The following UBQLN2 variants were observed in gnomAD, a reference collection of about 807,000 sequenced individuals.
UBQLN2 encodes the protein ubiquilin-2.
In UBQLN2, 2 loss-of-function variants were observed where a neutral mutation model predicts 22.2. The ratio of observed to expected loss-of-function variants is 0.09; its 90% CI spans 0.04 to 0.28. The LOEUF is 0.28. UBQLN2 is among the 10% of genes least tolerant of loss of function. The pLI, the probability that UBQLN2 is intolerant of heterozygous loss-of-function variation, is 1.00. For synonymous variants in UBQLN2, 252 were observed against 206.7 expected (o/e 1.22, Z -1.88); for missense variants, 446 against 505.1 (o/e 0.88, Z 1.12).
At position 56,567,480 on chromosome X, in the gene UBQLN2, G is replaced by A; in HGVS notation, c.*1732G>A. On this transcript the variant is annotated 3_prime_UTR_variant, in exon 1 of 1. Coordinates refer to ENST00000338222, the MANE Select transcript of UBQLN2 (RefSeq NM_013444.4). ...GAATTGCATTGCTTTCCAGAAACAT[G>A]TTGCCTTGTTTCTGAAAAACTTTAT... is the stretch of plus-strand genomic sequence containing the variant. 8.0e-6 allele frequency: 1 copy of A among 124,440 alleles called. No homozygotes were observed. 10.3% of individuals were successfully genotyped at this position (124,440 alleles called of 1,213,427 possible).
Position 56,565,928 on chromosome X carries a change from T to G in UBQLN2, c.*180T>G, listed in dbSNP as rs2068640406. On this transcript the variant is annotated 3_prime_UTR_variant, in exon 1 of 1. Coordinates refer to ENST00000338222, the MANE Select transcript of UBQLN2 (RefSeq NM_013444.4). ...CCTCCCTCCTACTTCCCTCACTCCC[T>G]TTCTCCTTTGCTTATTTTTCCTACC... 1.0e-5 allele frequency: 5 copies of G among 490,021 alleles called. No individual in the cohort carries two copies. The South Asian group carries it at 1.3e-4, about 13-fold the overall frequency. The allele number at this position is 490,021 out of a possible 1,213,427, so 40.4% of individuals were successfully genotyped here.
At position 56,566,028 on chromosome X, in the gene UBQLN2, A is replaced by G; in HGVS notation, c.*280A>G. 1 of 397,416 alleles carries G rather than the reference A, an allele frequency of 2.5e-6. No homozygotes were observed. Among genetic ancestry groups the G allele is most frequent in the African/African-American group, 2.6e-5 (1 of 38,653 alleles). The allele number at this position is 397,416 out of a possible 1,213,427, so 32.8% of individuals were successfully genotyped here. On this transcript the variant is annotated 3_prime_UTR_variant, in exon 1 of 1. Transcript: ENST00000338222. ...CTTATTTCCTTTAGTTTCCTTCCTT[A>G]GCCGTTTTGAGTGGTGGGAATCAAT... is the stretch of plus-strand genomic sequence containing the variant.
chrX:56,564,886 C>T lies in UBQLN2; in HGVS notation c.1013C>T (p.Thr338Ile), dbSNP rs917131397. The change falls in exon 1 of 1, where the codon ACT becomes ATT. Residue 338 changes from threonine to isoleucine, a missense_variant. Coordinates refer to ENST00000338222, the MANE Select transcript of UBQLN2 (RefSeq NM_013444.4). ...SSATTSTTTS[T>I]GSGSGNSSSN... Reference sequence around the variant, plus strand: ...GCAACTACCAGCACGACCACAAGCACTGGTAGTGGGTCTGGCAATAGTTCC... The same window carrying T: ...GCAACTACCAGCACGACCACAAGCATTGGTAGTGGGTCTGGCAATAGTTCC... The T allele has an allele frequency of 5.0e-6, 6 of 1,211,295 alleles. No individual in the cohort carries two copies. In the Admixed American group the frequency reaches 8.7e-5, roughly 18 times the overall value.
rs763496311 is a variant in UBQLN2 at position 56,564,038 on chromosome X, G to A, written c.165G>A (p.Gln55=). Residue 55 remains glutamine, a synonymous_variant, in exon 1 of 1, where the codon CAG becomes CAA. Coordinates refer to ENST00000338222, the MANE Select transcript of UBQLN2 (RefSeq NM_013444.4). ...EFAVPENSSV[Q]QFKEAISKRF... ...CGGTGCCCGAGAACAGCTCGGTTCA[G>A]CAGTTTAAGGAAGCGATTTCGAAAC... The A allele has an allele frequency of 1.7e-6, 2 of 1,193,430 alleles. No individual in the cohort carries two copies. The highest frequency in any genetic ancestry group is 1.8e-5 in the South Asian group (1 of 54,692).
In UBQLN2 at chrX:56,564,971, C is replaced by T. The variant is rs926102619; in HGVS notation, c.1098C>T (p.Thr366=). ...AANYVASIFS[T]PGMQSLLQQI... is the part of the protein sequence containing the mutation. ...ATTATGTCGCCAGCATCTTTAGTAC[C>T]CCAGGCATGCAGAGCCTGCTGCAAC... Residue 366 remains threonine, a synonymous_variant, in exon 1 of 1, where the codon ACC becomes ACT. Coordinates refer to ENST00000338222, the MANE Select transcript of UBQLN2 (RefSeq NM_013444.4). 6 of 1,209,983 alleles carry T rather than the reference C, an allele frequency of 5.0e-6. No homozygotes were observed. The African/African-American group carries it at 7.0e-5, about 14-fold the overall frequency.
In UBQLN2 at chrX:56,565,471, C is replaced by A; in HGVS notation, c.1598C>A (p.Pro533His). 8.3e-7 allele frequency: 1 copy of A among 1,201,347 alleles called. No individual in the cohort carries two copies. The highest frequency in any genetic ancestry group is 1.1e-6 in the Non-Finnish European group (1 of 889,897). ...APPGSTGSGG[P>H]TGPTVSSAAP... ...CCTGGCTCCACCGGCTCTGGTGGCC[C>A]CACGGGGCCTACTGTGTCCAGCGCT... Residue 533 changes from proline (P) to histidine (H), a missense_variant, in exon 1 of 1, where the codon CCC becomes CAC. Coordinates refer to ENST00000338222, the MANE Select transcript of UBQLN2 (RefSeq NM_013444.4).
chrX:56,565,742 A>G lies in UBQLN2; in HGVS notation c.1869A>G (p.Pro623=), dbSNP rs753620221. ...TTGAAAGGCTGCTGGGCTCCCAGCCATCGTAATCACATTTCTGTACCTGGA... is the reference window on the plus strand; with the variant it reads ...TTGAAAGGCTGCTGGGCTCCCAGCCGTCGTAATCACATTTCTGTACCTGGA... ...AAIERLLGSQ[P]S Residue 623 remains proline, a synonymous_variant, in exon 1 of 1, where the codon CCA becomes CCG. Transcript: ENST00000338222. 4 of 1,203,827 alleles carry G rather than the reference A, an allele frequency of 3.3e-6. No homozygotes were observed. The highest frequency in any genetic ancestry group is 1.7e-5 in the African/African-American group (1 of 57,323).
chrX:56,565,601 G>A lies in UBQLN2; in HGVS notation c.1728G>A (p.Pro576=), dbSNP rs761051735. ...ALAGANAPQL[P]NPEVRFQQQL... ...CTGGAGCAAATGCTCCACAGCTGCC[G>A]AATCCAGAAGTCAGATTTCAGCAAC... The change falls in exon 1 of 1, where the codon CCG becomes CCA. Residue 576 remains proline (P), a synonymous_variant. Transcript: ENST00000338222. 3.3e-6 allele frequency: 4 copies of A among 1,212,022 alleles called. No individual in the cohort carries two copies. Among genetic ancestry groups the A allele is most frequent in the South Asian group, 1.8e-5 (1 of 57,011 alleles).
Position 56,567,569 on chromosome X carries a change from TACAG to T in UBQLN2, c.*1825_*1828del, listed in dbSNP as rs200765877. 300 of 122,929 alleles carry T rather than the reference TACAG, an allele frequency of 2.4e-3. 1 individual carries two copies. Among genetic ancestry groups the T allele is most frequent in the Middle Eastern group, 0.018 (4 of 218 alleles). 10.1% of individuals were successfully genotyped at this position (122,929 alleles called of 1,213,427 possible). On this transcript the variant is annotated 3_prime_UTR_variant, in exon 1 of 1. Transcript: ENST00000338222. ...TTGTAATAAATATGTTCCTAGGTAA[TACAG>T]ACATACAGGGAACACGTTGATACTG...
In UBQLN2 at chrX:56,565,269, G is replaced by A; in HGVS notation, c.1396G>A (p.Ala466Thr). The change falls in exon 1 of 1, where the codon GCC becomes ACC. Residue 466 changes from alanine to threonine, a missense_variant. By Grantham distance (58) the Ala-to-Thr change is moderately conservative. Around this residue, in one of 3 missense-constraint regions of UBQLN2, gnomAD observed 278 missense variants for 279.4 expected, o/e 1.00. Coordinates refer to ENST00000338222, the MANE Select transcript of UBQLN2 (RefSeq NM_013444.4). ...MQIQQGLQTL[A>T]TEAPGLIPSF... ...GATCCAGCAGGGGCTACAGACATTA[G>A]CCACTGAAGCACCTGGCCTGATTCC... 1 of 1,212,172 alleles carries A rather than the reference G, an allele frequency of 8.2e-7. No homozygotes were observed.
At position 56,565,441 on chromosome X, in the gene UBQLN2, C is replaced by G. The variant is rs1428945175; in HGVS notation, c.1568C>G (p.Ala523Gly). 2.6e-5 allele frequency: 31 copies of G among 1,192,755 alleles called. No homozygotes were observed. Among genetic ancestry groups the G allele is most frequent in the Non-Finnish European group, 3.4e-5 (30 of 885,213 alleles). ...IGPIGPTGPA[A>G]PPGSTGSGGP... ...CCCATAGGACCCACTGGCCCTGCAG[C>G]CCCCCCTGGCTCCACCGGCTCTGGT... Residue 523 changes from alanine to glycine, a missense_variant, in exon 1 of 1, where the codon GCC becomes GGC. Physicochemically the swap from Ala to Gly is moderately conservative, Grantham distance 60. Transcript: ENST00000338222.
chrX:56,563,634 G>A lies in UBQLN2; in HGVS notation c.-240G>A. ...AGTGCGCGCGGTCGGATCACAAGGC[G>A]GCGGCGGAGGAGGCCCAGAGACCGG... On this transcript the variant is annotated 5_prime_UTR_variant, in exon 1 of 1. Coordinates refer to ENST00000338222, the MANE Select transcript of UBQLN2 (RefSeq NM_013444.4). 1 of 334,253 alleles carries A rather than the reference G, an allele frequency of 3.0e-6. No homozygotes were observed. The highest frequency in any genetic ancestry group is 5.1e-6 in the Non-Finnish European group (1 of 194,875). 27.5% of individuals were successfully genotyped at this position (334,253 alleles called of 1,213,427 possible). A position where few individuals can be genotyped will look rare whatever the true frequency, so the allele number is the denominator to read the frequency against.
Position 56,566,321 on chromosome X carries a change from A to G in UBQLN2, c.*573A>G, listed in dbSNP as rs2068642172. On this transcript the variant is annotated 3_prime_UTR_variant, in exon 1 of 1. Coordinates refer to ENST00000338222, the MANE Select transcript of UBQLN2 (RefSeq NM_013444.4). ...TTTGGCATGTATTTTTGCTAGCAAA[A>G]TGCTGTAAGATTTATACCATTGATC... 7.3e-6 allele frequency: 1 copy of G among 137,224 alleles called. No individual in the cohort carries two copies. Among genetic ancestry groups the G allele is most frequent in the Non-Finnish European group, 1.6e-5 (1 of 61,345 alleles). The allele number at this position is 137,224 out of a possible 1,213,427, so 11.3% of individuals were successfully genotyped here. A position where few individuals can be genotyped will look rare whatever the true frequency, so the allele number is the denominator to read the frequency against.
At position 56,563,898 on chromosome X, in the gene UBQLN2, GGCCCCCCGC is replaced by G; in HGVS notation, c.31_39del (p.Pro11_Pro13del). 8.7e-7 allele frequency: 1 copy of G among 1,151,280 alleles called. No homozygotes were observed. Among genetic ancestry groups the G allele is most frequent in the Non-Finnish European group, 1.2e-6 (1 of 865,153 alleles). The allele number at this position is 1,151,280 out of a possible 1,213,427, so 94.9% of individuals were successfully genotyped here. A position where few individuals can be genotyped will look rare whatever the true frequency, so the allele number is the denominator to read the frequency against. On this transcript the variant is annotated inframe_deletion, in exon 1 of 1. Coordinates refer to ENST00000338222, the MANE Select transcript of UBQLN2 (RefSeq NM_013444.4). Reference sequence around the variant, plus strand: ...CATGGCTGAGAATGGCGAGAGCAGCGGCCCCCCGCGCCCCTCCCGCGGCCCTGCTGCGGC... The same window carrying G: ...CATGGCTGAGAATGGCGAGAGCAGCGGCCCCTCCCGCGGCCCTGCTGCGGC...
rs1287145216 is a variant in UBQLN2, at chrX:56,567,171, A to G, written c.*1423A>G. 1.6e-5 allele frequency: 2 copies of G among 123,396 alleles called. No individual in the cohort carries two copies. Among genetic ancestry groups the G allele is most frequent in the Admixed American group, 9.4e-5 (1 of 10,610 alleles). 10.2% of individuals were successfully genotyped at this position (123,396 alleles called of 1,213,427 possible). On this transcript the variant is annotated 3_prime_UTR_variant, in exon 1 of 1. Coordinates refer to ENST00000338222, the MANE Select transcript of UBQLN2 (RefSeq NM_013444.4). ...ACATATTTACCTTTTCCCCCAACAT[A>G]TGAAATGTCATACATGTATATACTT...
rs1297111452 is a variant in UBQLN2 at position 56,564,871 on chromosome X, G to T, written c.998G>T (p.Ser333Ile). ...PPATQSSATT[S>I]TTTSTGSGSG... ...GCTACCCAGAGTTCTGCAACTACCA[G>T]CACGACCACAAGCACTGGTAGTGGG... is the stretch of plus-strand genomic sequence containing the variant. The change falls in exon 1 of 1, where the codon AGC becomes ATC. Residue 333 changes from serine to isoleucine, a missense_variant. Ser to Ile is a moderately radical substitution (Grantham distance 142). Coordinates refer to ENST00000338222, the MANE Select transcript of UBQLN2 (RefSeq NM_013444.4). 7.4e-6 allele frequency: 9 copies of T among 1,209,181 alleles called. No homozygotes were observed. Among genetic ancestry groups the T allele is most frequent in the Non-Finnish European group, 1.0e-5 (9 of 894,978 alleles).
At position 56,565,648 on chromosome X, in the gene UBQLN2, T is replaced by C; in HGVS notation, c.1775T>C (p.Met592Thr). Residue 592 changes from methionine to threonine, a missense_variant, in exon 1 of 1, where the codon ATG (methionine) becomes ACG (threonine). Met to Thr is a moderately conservative substitution (Grantham distance 81). This residue lies in a region of UBQLN2 where 278 missense variants were observed against 279.4 expected (regional missense o/e 1.00). Transcript: ENST00000338222. ...FQQQLEQLNA[M>T]GFLNREANLQ... ...CAACAACTGGAACAGCTCAACGCAA[T>C]GGGGTTCTTAAACCGTGAAGCAAAC... 1.7e-6 allele frequency: 2 copies of C among 1,212,114 alleles called. No homozygotes were observed. Among genetic ancestry groups the C allele is most frequent in the Non-Finnish European group, 2.2e-6 (2 of 895,568 alleles).
In UBQLN2 at chrX:56,564,911, C is replaced by T. The variant is rs758773422; in HGVS notation, c.1038C>T (p.Ser346=). 3 of 1,211,055 alleles carry T rather than the reference C, an allele frequency of 2.5e-6. No individual in the cohort carries two copies. The highest frequency in any genetic ancestry group is 3.4e-6 in the Non-Finnish European group (3 of 895,122). ...CTGGTAGTGGGTCTGGCAATAGTTC[C>T]AGCAATGCTACTGGGAACACCGTTG... ...TSTGSGSGNS[S]SNATGNTVAA... is the part of the protein sequence containing the mutation. Residue 346 remains serine (S), a synonymous_variant, in exon 1 of 1, where the codon TCC becomes TCT. Transcript: ENST00000338222.
rs1205234458 is a variant in UBQLN2 at position 56,566,324 on chromosome X, C to G, written c.*576C>G. Reference sequence around the variant, plus strand: ...GGCATGTATTTTTGCTAGCAAAATGCTGTAAGATTTATACCATTGATCTTT... The same window carrying G: ...GGCATGTATTTTTGCTAGCAAAATGGTGTAAGATTTATACCATTGATCTTT... On this transcript the variant is annotated 3_prime_UTR_variant, in exon 1 of 1. Transcript: ENST00000338222. 1 of 136,732 alleles carries G rather than the reference C, an allele frequency of 7.3e-6. No individual in the cohort carries two copies. The highest frequency in any genetic ancestry group is 2.3e-4 in the East Asian group (1 of 4,391). The allele number at this position is 136,732 out of a possible 1,213,427, so 11.3% of individuals were successfully genotyped here.
Sources: gnomAD v4.1 joint callset for allele counts on GRCh38, gnomAD v4.1.1 for gene constraint, gnomAD v4.1.1 regional missense constraint, MANE v1.5 for transcripts, NCBI Gene and HGNC (gene_info 2026-07-23, HGNC 2026-07-21) for gene names.